Variants in SLC22A25 observed in about 807,000 individuals in gnomAD.
The protein encoded by SLC22A25 is solute carrier family 22 member 25.
A neutral mutation model predicts 45.9 loss-of-function variants in SLC22A25; 44 were observed. The observed-to-expected ratio is 0.96, with a 90% confidence interval of 0.75 to 1.23. The LOEUF is 1.23. Ranked by LOEUF, SLC22A25 falls within the 50% of genes most tolerant of loss-of-function variation. SLC22A25 has a pLI of 0.00. For missense variants in SLC22A25, 800 were observed against 666.4 expected (o/e 1.20, Z -2.21); for synonymous variants, 283 against 238.6 (o/e 1.19, Z -1.72).
rs543026298 is a variant in SLC22A25, at chr11:63,214,658, T to C, written c.830+2656A>G. Among the ~76,000 whole-genome samples, 24 of 152,294 alleles carry C rather than the reference T, an allele frequency of 1.6e-4. No individual in the cohort carries two copies. The South Asian group carries it at 5.0e-3, about 32-fold the overall frequency. On this transcript the variant is annotated intron_variant, in intron 7 of 11. Coordinates refer to ENST00000306494, the MANE Select transcript of SLC22A25 (RefSeq NM_199352.6). ...TTTTTCCTTGAAAAGTAAGAAATGA[T>C]GTAATGCATGTCTCAATTAATTGAA...
intron 7 of SLC22A25, among the ~76,000 whole-genome samples, chr11:63,199,267 A>T (rs1241780862): frequency 6.6e-6 from 1 of 152,190 alleles, no homozygotes; most frequent in African/African-American, 2.4e-5. Flanking sequence ...AGAGAATATT[A>T]TGAACACCTC....
intron 3 of SLC22A25, among the ~76,000 whole-genome samples, chr11:63,236,592 G>T (rs930729048): frequency 1.1e-4 from 17 of 152,206 alleles, no homozygotes; most frequent in African/African-American, 4.1e-4. Context: ...TGTGCTTCCT[G>T]GGTGAGGTGA....
At chr11:63,229,121 C>G (rs2090019701) in intron 4 of SLC22A25, 130 bp downstream of exon 4, 1 of 952,364 alleles carries the variant, frequency 1.1e-6, no homozygotes, top group Non-Finnish European at 1.5e-6. Context: ...AGTAGAGAAG[C>G]AATTAATGTT....
chr11:63,234,439 A>G (rs1346386533), intron 3 of SLC22A25, among the ~76,000 whole-genome samples: 1 of 152,100 alleles, frequency 6.6e-6, no homozygotes, highest in Non-Finnish European at 1.5e-5. Context: ...AGTCTGTTTT[A>G]TCAGAGACTA....
chr11:63,192,923 C>A (rs968508921), intron 7 of SLC22A25, among the ~76,000 whole-genome samples: 3 of 152,194 alleles, frequency 2.0e-5, no homozygotes, highest in Admixed American at 6.5e-5. Flanking sequence ...TTAGACAGAT[C>A]ATCAAGACAG....
At chr11:63,232,928 G>T (rs1329341218) in intron 3 of SLC22A25, among the ~76,000 whole-genome samples, 2 of 152,120 alleles carry the variant, frequency 1.3e-5, no homozygotes, top group African/African-American at 4.8e-5. Context: ...TTTTATGCTG[G>T]ATTACTTTTA....
At chr11:63,205,958 G>C (rs1308797570) in intron 7 of SLC22A25, among the ~76,000 whole-genome samples, 1 of 152,114 alleles carries the variant, frequency 6.6e-6, no homozygotes, top group Non-Finnish European at 1.5e-5. Context: ...CCACCATCAA[G>C]TCAGCTTCAT....
chr11:63,214,295 A>G (rs1304903165), intron 7 of SLC22A25, among the ~76,000 whole-genome samples: 2 of 152,254 alleles, frequency 1.3e-5, no homozygotes, highest in Non-Finnish European at 2.9e-5. Flanking sequence ...TTAACAAAAT[A>G]TCAGCCGCTG....
intron 7 of SLC22A25, among the ~76,000 whole-genome samples, chr11:63,204,228 C>A (rs1311010744): frequency 6.6e-6 from 1 of 152,114 alleles, no homozygotes. Context: ...AGACCATTGA[C>A]AATATGAAGA....
In SLC22A25 at chr11:63,161,679, T is replaced by C. The variant is rs1475621468; in HGVS notation, c.*2145A>G. 6.6e-6 allele frequency among the ~76,000 whole-genome samples: 1 copy of C among 152,230 alleles called. No individual in the cohort carries two copies. Among genetic ancestry groups the C allele is most frequent in the Non-Finnish European group, 1.5e-5 (1 of 68,044 alleles). ...CGCCCTCCACCAGGATTGTGAGGCTTCACCAGCTATGTGGAACTGTGAGTC... is the reference window on the plus strand; with the variant it reads ...CGCCCTCCACCAGGATTGTGAGGCTCCACCAGCTATGTGGAACTGTGAGTC... On this transcript the variant is annotated 3_prime_UTR_variant, in exon 12 of 12. Coordinates refer to ENST00000306494, the MANE Select transcript of SLC22A25 (RefSeq NM_199352.6).
Position 63,164,653 on chromosome 11 carries a change from C to A in SLC22A25, c.1286-19G>T. On this transcript the variant is annotated intron_variant, in intron 10 of 11. Coordinates refer to ENST00000306494, the MANE Select transcript of SLC22A25 (RefSeq NM_199352.6). ...TGCATTTCTGGAGAAAGGAAGACCA[C>A]AGGGCCTCAGGAAATCTGAGCTGAA... The A allele has an allele frequency of 6.3e-7, 1 of 1,588,012 alleles. No individual in the cohort carries two copies. Among genetic ancestry groups the A allele is most frequent in the Non-Finnish European group, 8.6e-7 (1 of 1,156,806 alleles).
intron 7 of SLC22A25, among the ~76,000 whole-genome samples, chr11:63,189,295 T>C (rs1055859721): frequency 6.6e-6 from 1 of 152,232 alleles, no homozygotes; most frequent in Non-Finnish European, 1.5e-5. Flanking sequence ...TTTACCATTA[T>C]GTAATGGCCT....
chr11:63,207,656 A>C (rs113305126), intron 7 of SLC22A25, among the ~76,000 whole-genome samples: 5 of 152,110 alleles, frequency 3.3e-5, no homozygotes, highest in African/African-American at 7.2e-5. Flanking sequence ...CCCTGAGAAA[A>C]AGAAAGAGCT....
intron 9 of SLC22A25, among the ~76,000 whole-genome samples, chr11:63,178,033 G>A (rs1367650213): frequency 7.0e-6 from 1 of 143,424 alleles, no homozygotes; most frequent in Non-Finnish European, 1.5e-5. Flanking sequence ...GTGCCACCAT[G>A]CCTGGCTAAT....
chr11:63,242,094 A>T (rs1478838607), intron 1 of SLC22A25, among the ~76,000 whole-genome samples: 1 of 152,212 alleles, frequency 6.6e-6, no homozygotes, highest in Non-Finnish European at 1.5e-5. Context: ...AGAGACCAAG[A>T]AAAAGTTTAA....
rs77213542 is a variant in SLC22A25, at chr11:63,166,396, A to C, written c.1071-138T>G. 9.4e-3 allele frequency: 13,652 copies of C among 1,448,578 alleles called. 156 individuals are homozygous for C. The highest frequency in any genetic ancestry group is 0.052 in the African/African-American group (3,652 of 69,900). 89.7% of individuals were successfully genotyped at this position (1,448,578 alleles called of 1,614,324 possible). ...TGTGTTTTGTGGAATATTTTCTTGC[A>C]AGTTGATATTTTAAAGTTATCATAA... On this transcript the variant is annotated intron_variant, in intron 9 of 11. Coordinates refer to ENST00000306494, the MANE Select transcript of SLC22A25 (RefSeq NM_199352.6).
At position 63,166,231 on chromosome 11, in the gene SLC22A25, G is replaced by A. The variant is rs138188942; in HGVS notation, c.1098C>T (p.Gly366=). ...VRFASTIPFW[G]LTLHLQHLGN... ...CCAGATGCTGGAGGTGCAAAGTAAG[G>A]CCCCAAAAAGGGATGGTACTTGCAA... The change falls in exon 10 of 12, where the codon GGC becomes GGT. Residue 366 remains glycine (G), a synonymous_variant. Coordinates refer to ENST00000306494, the MANE Select transcript of SLC22A25 (RefSeq NM_199352.6). 1.5e-5 allele frequency: 25 copies of A among 1,613,764 alleles called. No individual in the cohort carries two copies. The highest frequency in any genetic ancestry group is 4.0e-5 in the African/African-American group (3 of 74,900).
Position 63,158,726 on chromosome 11 carries a change from C to A in SLC22A25, c.*5098G>T, listed in dbSNP as rs2087514585. Among the ~76,000 whole-genome samples the A allele has an allele frequency of 6.6e-6, 1 of 152,182 alleles. No homozygotes were observed. Among genetic ancestry groups the A allele is most frequent in the Admixed American group, 6.6e-5 (1 of 15,264 alleles). ...TATGCAGCATGGGGTATCTGTCCCT[C>A]AAGCGTTTATTCTTTGTGATTACAA... On this transcript the variant is annotated 3_prime_UTR_variant, in exon 12 of 12. Transcript: ENST00000306494.
intron 9 of SLC22A25, among the ~76,000 whole-genome samples, chr11:63,176,277 G>C (rs1417657006): frequency 6.6e-6 from 1 of 151,622 alleles, no homozygotes; most frequent in African/African-American, 2.4e-5. Context: ...ATTTTGATAG[G>C]GATTGCACTG....
Sources: allele counts gnomAD v4.1 joint callset (sites outside exome capture counted in the v4.1 genomes callset), GRCh38; gene constraint gnomAD v4.1.1; transcripts MANE v1.5; gene names NCBI Gene and HGNC (gene_info 2026-07-23, HGNC 2026-07-21).